The following EMSY variants were observed in gnomAD, a reference collection of about 807,000 sequenced individuals.
EMSY encodes EMSY transcriptional repressor, BRCA2 interacting, also known as BRCA2-interacting transcriptional repressor EMSY.
Under a neutral mutation model 134.6 loss-of-function variants are expected in EMSY, and 26 were observed. The observed-to-expected ratio is 0.19, with a 90% CI of 0.14 to 0.27. The LOEUF (loss-of-function observed/expected upper bound fraction) is 0.27, where lower values mean the gene tolerates loss of function less well. EMSY is among the 10% of genes least tolerant of loss of function. EMSY has a pLI of 1.00. For synonymous variants in EMSY, 579 were observed against 577.8 expected, an observed-to-expected ratio of 1.00 and a Z score of -0.03; for missense variants, 1,305 against 1,611.4, an observed-to-expected ratio of 0.81 and a Z score of 3.26.
chr11:76,489,087 C>A (rs1590873523), intron 8 of EMSY, among the ~76,000 whole-genome samples: 1 of 152,322 alleles, frequency 6.6e-6, no homozygotes, highest in African/African-American at 2.4e-5. Flanking sequence ...TGGCTTAGGG[C>A]CAGCCCTCTG....
At chr11:76,490,777 A>C (rs1470431230) in intron 8 of EMSY, among the ~76,000 whole-genome samples, 2 of 152,086 alleles carry the variant, frequency 1.3e-5, no homozygotes, top group Non-Finnish European at 2.9e-5. Flanking sequence ...TCATTTTTTC[A>C]AGAAGTCTTG....
At chr11:76,519,032 G>A (rs1026175037) in intron 11 of EMSY, among the ~76,000 whole-genome samples, 1 of 151,178 alleles carries the variant, frequency 6.6e-6, no homozygotes. Flanking sequence ...TAATTAAATG[G>A]AAGCCATGAC....
intron 12 of EMSY, among the ~76,000 whole-genome samples, chr11:76,525,526 T>C (rs1950815349): frequency 6.6e-6 from 1 of 152,228 alleles, no homozygotes; most frequent in Admixed American, 6.5e-5. Flanking sequence ...CATTTCCATC[T>C]TAAGTTTATG....
intron 10 of EMSY, among the ~76,000 whole-genome samples, chr11:76,515,739 GAC>G (rs1409955963): frequency 6.6e-6 from 1 of 152,138 alleles, no homozygotes; most frequent in African/African-American, 2.4e-5. Flanking sequence ...TTGGCACTAA[GAC>G]AGCATAAAAC....
intron 18 of EMSY, among the ~76,000 whole-genome samples, chr11:76,542,858 G>A (rs1951499269): frequency 6.6e-6 from 1 of 151,794 alleles, no homozygotes; most frequent in East Asian, 1.9e-4. Flanking sequence ...AATTACAGAG[G>A]AAGAGATGCA....
intron 8 of EMSY, among the ~76,000 whole-genome samples, chr11:76,480,783 G>T (rs887630799): frequency 2.0e-5 from 3 of 152,198 alleles, no homozygotes; most frequent in Non-Finnish European, 2.9e-5. Flanking sequence ...AAAGCAGGGT[G>T]GGGTGTTGCC....
intron 8 of EMSY, among the ~76,000 whole-genome samples, chr11:76,474,230 C>T (rs1948692480): frequency 6.6e-6 from 1 of 151,794 alleles, no homozygotes. Flanking sequence ...AATAGCATAT[C>T]ATCAGAAATG....
At chr11:76,507,865 C>CTTTTTTTTTTTTTTTTTTTTTTTTTTTTT (rs55756987) in intron 9 of EMSY, among the ~76,000 whole-genome samples, 1 of 118,632 alleles carries the variant, frequency 8.4e-6, no homozygotes, top group African/African-American at 3.0e-5. Flanking sequence ...TTTTCTTTTT[C>CTTTTTTTTTTTTTTTTTTTTTTTTTTTTT]TTTTTTTTTT....
chr11:76,523,355 A>G, intron 12 of EMSY, 64 bp downstream of exon 13: 1 of 1,536,974 alleles, frequency 6.5e-7, no homozygotes, highest in Non-Finnish European at 8.7e-7. Context: ...AGCTATATAA[A>G]TATTTGCACA....
intron 9 of EMSY, chr11:76,496,675 T>A: frequency 1.5e-6 from 1 of 648,536 alleles, no homozygotes; most frequent in East Asian, 3.0e-5. Context: ...GTGATTATAA[T>A]TGGTATTATG....
rs536251070 is a variant in EMSY, at chr11:76,514,147, CTTTG to C, written c.1513+616_1513+619del. On this transcript the variant is annotated intron_variant, in intron 10 of 20. Coordinates refer to ENST00000334736, the Ensembl canonical transcript of EMSY. ...TTACTTAATCTCTCTAAATGTTTTT[CTTTG>C]TTTATTTGTTTTTGTTTTTTTCCTT... Among the ~76,000 whole-genome samples, 8 of 151,958 alleles carry C rather than the reference CTTTG, an allele frequency of 5.3e-5. No individual in the cohort carries two copies. In the South Asian group the frequency reaches 1.0e-3, roughly 20 times the overall value.
In EMSY at chr11:76,472,091, A is replaced by G. The variant is rs535803192; in HGVS notation, c.832-473A>G. 2.0e-5 allele frequency among the ~76,000 whole-genome samples: 3 copies of G among 152,282 alleles called. No individual in the cohort carries two copies. The South Asian group carries it at 6.2e-4, about 32-fold the overall frequency. The stretch of plus-strand genomic sequence containing the variant: ...TCTCTTCCATTTGTCTCTGCGTGAC[A>G]TATACTTACATTTCTGTTTATTTCT... On this transcript the variant is annotated intron_variant, in intron 7 of 20. Coordinates refer to ENST00000334736, the Ensembl canonical transcript of EMSY.
chr11:76,480,058 A>C (rs964396038), intron 8 of EMSY, among the ~76,000 whole-genome samples: 1 of 152,248 alleles, frequency 6.6e-6, no homozygotes, highest in African/African-American at 2.4e-5. Context: ...ATGATGAAGC[A>C]GCAAGAAGTT....
At chr11:76,492,924 C>T (rs1403486290) in intron 8 of EMSY, among the ~76,000 whole-genome samples, 1 of 152,156 alleles carries the variant, frequency 6.6e-6, no homozygotes, top group Non-Finnish European at 1.5e-5. Flanking sequence ...CACTTCCTCC[C>T]TGCTGAGCCC....
chr11:76,533,445 C>T (rs1951114772), intron 14 of EMSY, among the ~76,000 whole-genome samples: 1 of 149,006 alleles, frequency 6.7e-6, no homozygotes, highest in Non-Finnish European at 1.5e-5. Context: ...TATAACTGTG[C>T]AGAGTTGTAA....
intron 9 of EMSY, among the ~76,000 whole-genome samples, chr11:76,508,368 G>T (rs528833913): frequency 6.6e-6 from 1 of 151,786 alleles, no homozygotes; most frequent in Non-Finnish European, 1.5e-5. Flanking sequence ...TGAGCAGTAG[G>T]TCTCAATAGT....
intron 13 of EMSY, 60 bp downstream of exon 14, chr11:76,526,695 C>A: frequency 1.4e-6 from 2 of 1,427,550 alleles, no homozygotes; most frequent in Non-Finnish European, 1.9e-6. Context: ...TCTTATAATT[C>A]CCGGGTAGAA....
Position 76,484,616 on chromosome 11 carries a change from T to C in EMSY, c.1109-11599T>C, listed in dbSNP as rs2135553951. Among the ~76,000 whole-genome samples the C allele has an allele frequency of 2.0e-5, 3 of 152,172 alleles. No homozygotes were observed. In the South Asian group the frequency reaches 6.2e-4, roughly 32 times the overall value. ...TACGAACTACTATCAGAGAATACTA[T>C]AAACACCTCTACGCAAATAAACTAG... On this transcript the variant is annotated intron_variant, in intron 8 of 20. Transcript: ENST00000334736.
chr11:76,481,214 T>A (rs1948966091), intron 8 of EMSY, among the ~76,000 whole-genome samples: 1 of 152,102 alleles, frequency 6.6e-6, no homozygotes, highest in East Asian at 1.9e-4. Context: ...CAGCTAATTT[T>A]TTGTATTTTT....
Sources: gnomAD v4.1 joint callset for allele counts (sites outside exome capture counted in the v4.1 genomes callset) on GRCh38, gnomAD v4.1.1 for gene constraint, MANE v1.5 for transcripts, NCBI Gene and HGNC (gene_info 2026-07-23, HGNC 2026-07-21) for gene names.